The following TDRD10 variants were observed in gnomAD, a reference collection of about 807,000 sequenced individuals.
The protein encoded by TDRD10 is tudor domain containing 10, also known as tudor domain-containing protein 10.
Under a neutral mutation model 48.0 loss-of-function variants are expected in TDRD10, and 40 were observed. The observed-to-expected ratio is 0.83, with a 90% CI of 0.65 to 1.09. TDRD10 has a LOEUF of 1.09. TDRD10 is among the 50% of genes least tolerant of loss of function. The pLI is 0.00. For missense variants in TDRD10, 378 were observed against 434.7 expected, an observed-to-expected ratio of 0.87 and a Z score of 1.16; for synonymous variants, 162 against 170.4, an observed-to-expected ratio of 0.95 and a Z score of 0.38.
chr1:154,547,794 CTT>C lies in TDRD10; in HGVS notation c.*85_*86del. On this transcript the variant is annotated 3_prime_UTR_variant, in exon 13 of 13. Coordinates refer to ENST00000368482, the MANE Select transcript of TDRD10 (RefSeq NM_182499.4). ...CCTGTCTTCTCGTACCCCTTTCACT[CTT>C]GAGGCCTGGGAGGTGAAAAAGGCCA... is the stretch of plus-strand genomic sequence containing the variant. 1 of 1,555,714 alleles carries C rather than the reference CTT, an allele frequency of 6.4e-7. No homozygotes were observed. The highest frequency in any genetic ancestry group is 8.9e-7 in the Non-Finnish European group (1 of 1,129,516).
intron 4 of TDRD10, among the ~76,000 whole-genome samples, chr1:154,518,126 C>T (rs1044731880): frequency 1.3e-5 from 2 of 152,196 alleles, no homozygotes; most frequent in African/African-American, 4.8e-5. Flanking sequence ...ATCCCTTAAA[C>T]CATGTGGTTG....
At chr1:154,527,905 A>C (rs1233358751) in intron 6 of TDRD10, among the ~76,000 whole-genome samples, 1 of 152,238 alleles carries the variant, frequency 6.6e-6, no homozygotes, top group East Asian at 1.9e-4. Context: ...TACAATTGTA[A>C]CAACAATACA....
At chr1:154,535,096 A>T (rs1044819703) in intron 6 of TDRD10, among the ~76,000 whole-genome samples, 2 of 152,166 alleles carry the variant, frequency 1.3e-5, no homozygotes, top group Non-Finnish European at 2.9e-5. Context: ...AAGCCCAAAC[A>T]AGTCAGTCAA....
chr1:154,514,398 ATT>A (rs1322959178), intron 4 of TDRD10, among the ~76,000 whole-genome samples: 3 of 152,212 alleles, frequency 2.0e-5, no homozygotes. Context: ...AGGCTAAAGT[ATT>A]TAAGGGTGAG....
At chr1:154,516,382 AGGGACAAGTCT>A (rs1693770310) in intron 4 of TDRD10, among the ~76,000 whole-genome samples, 1 of 151,984 alleles carries the variant, frequency 6.6e-6, no homozygotes, top group African/African-American at 2.4e-5. Context: ...GGATCGGGGC[AGGGACAAGTCT>A]TCCACATAGG....
At chr1:154,505,349 G>A (rs1251590103) in intron 1 of TDRD10, among the ~76,000 whole-genome samples, 1 of 152,224 alleles carries the variant, frequency 6.6e-6, no homozygotes, top group Non-Finnish European at 1.5e-5. Context: ...CTCAGTGCCT[G>A]TTCTGTTTCA....
intron 6 of TDRD10, among the ~76,000 whole-genome samples, chr1:154,525,320 AG>A (rs1694253183): frequency 6.6e-6 from 1 of 152,224 alleles, no homozygotes; most frequent in South Asian, 2.1e-4. Flanking sequence ...ATTAGAAATA[AG>A]TACACAAAAG....
intron 6 of TDRD10, among the ~76,000 whole-genome samples, chr1:154,537,672 T>C (rs140443118): frequency 1.8e-3 from 281 of 152,330 alleles, no homozygotes; most frequent in Middle Eastern, 0.014. Flanking sequence ...GCTGAGTGTA[T>C]GCAAGAACTT....
At chr1:154,519,773 C>T (rs1693960706) in intron 4 of TDRD10, among the ~76,000 whole-genome samples, 1 of 152,010 alleles carries the variant, frequency 6.6e-6, no homozygotes, top group South Asian at 2.1e-4. Flanking sequence ...TCTGTGGAGA[C>T]ACCAACCCAA....
At chr1:154,542,486 C>G (rs948433905) in intron 7 of TDRD10, among the ~76,000 whole-genome samples, 8 of 152,182 alleles carry the variant, frequency 5.3e-5, no homozygotes, top group Admixed American at 1.3e-4. Context: ...CCTCAGCCTC[C>G]CAAAGTGCTG....
intron 6 of TDRD10, among the ~76,000 whole-genome samples, chr1:154,533,614 G>T (rs1251166208): frequency 6.6e-6 from 1 of 151,810 alleles, no homozygotes; most frequent in East Asian, 1.9e-4. Context: ...CATCTTCTCA[G>T]AGTGGAGGTT....
intron 6 of TDRD10, among the ~76,000 whole-genome samples, chr1:154,538,550 CAA>C (rs59257227): frequency 0.013 from 743 of 57,314 alleles, 6 homozygotes; most frequent in South Asian, 0.027. Flanking sequence ...AACTCTATCT[CAA>C]AAAAAAAAAA....
intron 4 of TDRD10, among the ~76,000 whole-genome samples, chr1:154,512,085 T>A (rs947871395): frequency 2.6e-5 from 4 of 152,086 alleles, no homozygotes; most frequent in African/African-American, 9.7e-5. Context: ...GTGCAGCTAT[T>A]AATCCTAATT....
At chr1:154,509,638 A>G (rs1029379462) in intron 4 of TDRD10, among the ~76,000 whole-genome samples, 1 of 152,210 alleles carries the variant, frequency 6.6e-6, no homozygotes, top group African/African-American at 2.4e-5. Flanking sequence ...AAGATGGACC[A>G]TTATGTTTTG....
Position 154,507,308 on chromosome 1 carries a change from C to A in TDRD10, c.70C>A (p.Gln24Lys), listed in dbSNP as rs1223143705. ...LFGKNGVLEE[Q>K]KSPGFKKRET... Reference sequence around the variant, plus strand: ...TGGGAAGAATGGAGTGTTGGAGGAGCAGAAATCTCCAGGTAAGTTAGGCTG... The same window carrying A: ...TGGGAAGAATGGAGTGTTGGAGGAGAAGAAATCTCCAGGTAAGTTAGGCTG... Residue 24 changes from glutamine (Q) to lysine (K), a missense_variant, in exon 3 of 13, where the codon CAG (glutamine) becomes AAG (lysine). Gln to Lys is a moderately conservative substitution (Grantham distance 53, BLOSUM62 1). Coordinates refer to ENST00000368482, the MANE Select transcript of TDRD10 (RefSeq NM_182499.4). The A allele has an allele frequency of 6.2e-7, 1 of 1,614,040 alleles. No individual in the cohort carries two copies. Among genetic ancestry groups the A allele is most frequent in the South Asian group, 1.1e-5 (1 of 91,052 alleles).
chr1:154,538,484 A>G lies in TDRD10; in HGVS notation c.370-3540A>G, dbSNP rs573765042. ...AGAATCGCTTGAACCTGGGAGGTAG[A>G]GGTTGCGGTGAGCCGAGATCATGCC... On this transcript the variant is annotated intron_variant, in intron 6 of 12. Coordinates refer to ENST00000368482, the MANE Select transcript of TDRD10 (RefSeq NM_182499.4). Among the ~76,000 whole-genome samples, 9 of 138,054 alleles carry G rather than the reference A, an allele frequency of 6.5e-5. No homozygotes were observed. The East Asian group carries it at 2.1e-3, about 32-fold the overall frequency. The allele number at this position is 138,054 out of a possible 152,430, so 90.6% of individuals were successfully genotyped here.
intron 1 of TDRD10, among the ~76,000 whole-genome samples, chr1:154,504,236 T>C (rs1199326221): frequency 6.6e-6 from 1 of 152,264 alleles, no homozygotes; most frequent in African/African-American, 2.4e-5. Flanking sequence ...TAATATTCTA[T>C]TGTATTGCTA....
chr1:154,520,357 C>A lies in TDRD10; in HGVS notation c.195C>A (p.Ile65=). The A allele has an allele frequency of 1.2e-6, 2 of 1,613,680 alleles. No individual in the cohort carries two copies. Among genetic ancestry groups the A allele is most frequent in the Non-Finnish European group, 1.7e-6 (2 of 1,179,592 alleles). The change falls in exon 5 of 13, where the codon ATC becomes ATA. Residue 65 remains isoleucine, a synonymous_variant. Coordinates refer to ENST00000368482, the MANE Select transcript of TDRD10 (RefSeq NM_182499.4). ...TCAACCCTCTTGATGTCCACAAAAT[C>A]CAGAATGGCTGCAAATGGTAATGAC... The part of the protein sequence containing the change: ...KDFNPLDVHK[I]QNGCKCFAFV...
In TDRD10 at chr1:154,521,063, T is replaced by G. The variant is rs193227221; in HGVS notation, c.213-260T>G. 5.7e-4 allele frequency among the ~76,000 whole-genome samples: 87 copies of G among 152,284 alleles called. No homozygotes were observed. The Middle Eastern group carries it at 0.01, about 18-fold the overall frequency. On this transcript the variant is annotated intron_variant, in intron 5 of 12. Coordinates refer to ENST00000368482, the MANE Select transcript of TDRD10 (RefSeq NM_182499.4). The stretch of plus-strand genomic sequence containing the variant: ...TTGCTTTGAACTTTTGGGGCAGTAG[T>G]ATTAAACTCAAAGTCATAGACATAC...
Sources: allele counts gnomAD v4.1 joint callset (sites outside exome capture counted in the v4.1 genomes callset), GRCh38; gene constraint gnomAD v4.1.1; transcripts MANE v1.5; gene names NCBI Gene and HGNC (gene_info 2026-07-23, HGNC 2026-07-21).